Variants in P4HA2 observed in about 807,000 individuals in gnomAD.
P4HA2 encodes the protein prolyl 4-hydroxylase subunit alpha 2, also known as prolyl 4-hydroxylase subunit alpha-2.
P4HA2 carries 46 observed loss-of-function variants against 76.9 expected under a neutral mutation model. That is an observed-to-expected ratio of 0.60 (90% CI 0.47 to 0.76). The LOEUF is 0.76. Among genes scored for constraint, P4HA2 ranks in the 30% least tolerant of loss-of-function variants. The probability of loss-of-function intolerance (pLI) is 0.00; values close to 1 mark genes in which losing one functional copy is unlikely to be tolerated. For missense variants in P4HA2, 583 were observed against 669.4 expected, an observed-to-expected ratio of 0.87 and a Z score of 1.42; for synonymous variants, 243 against 254.0, an observed-to-expected ratio of 0.96 and a Z score of 0.41.
intron 8 of P4HA2, 26 bp downstream of exon 8, chr5:132,207,682 C>T (rs1179127357): frequency 1.2e-6 from 2 of 1,602,716 alleles, no homozygotes; most frequent in East Asian, 2.2e-5. Flanking sequence ...TTCAGTGACC[C>T]GAGAAGGACC....
At chr5:132,195,083 G>T in intron 13 of P4HA2, 61 bp from the exon 14 acceptor site, 1 of 1,125,982 alleles carries the variant, frequency 8.9e-7, no homozygotes, top group Non-Finnish European at 1.4e-6. Flanking sequence ...GGACCTGACT[G>T]CAAGCATCAC....
At chr5:132,217,465 G>A in intron 3 of P4HA2, 117 bp from the exon 4 acceptor site, 1 of 963,518 alleles carries the variant, frequency 1.0e-6, no homozygotes, top group Non-Finnish European at 1.6e-6. Context: ...TTCATCAAGA[G>A]GCAATGAAAA....
At chr5:132,215,407 T>C (rs945147700) in intron 4 of P4HA2, among the ~76,000 whole-genome samples, 1 of 152,224 alleles carries the variant, frequency 6.6e-6, no homozygotes, top group Non-Finnish European at 1.5e-5. Context: ...GGAGGTCATC[T>C]GGGTAGGCTT....
intron 8 of P4HA2, among the ~76,000 whole-genome samples, chr5:132,206,356 G>A (rs1366555898): frequency 3.3e-5 from 5 of 152,092 alleles, no homozygotes; most frequent in Non-Finnish European, 5.9e-5. Flanking sequence ...CAGCCACATC[G>A]ATGATGCCAA....
chr5:132,204,730 C>T (rs1751965478), intron 8 of P4HA2, among the ~76,000 whole-genome samples: 1 of 152,222 alleles, frequency 6.6e-6, no homozygotes, highest in South Asian at 2.1e-4. Context: ...GTTTTCGCTC[C>T]CTTGGGATCC....
intron 1 of P4HA2, chr5:132,227,265 G>T (rs1005143387): frequency 6.6e-6 from 1 of 152,334 alleles, no homozygotes; most frequent in Non-Finnish European, 1.5e-5. Context: ...ATGTCTGGGG[G>T]AGAAAAGACT....
At chr5:132,218,791 C>G (rs897956246) in intron 1 of P4HA2, 147 bp from the exon 2 acceptor site, 5 of 577,538 alleles carry the variant, frequency 8.7e-6, no homozygotes, top group Non-Finnish European at 1.6e-5. Context: ...AAAGGACAAA[C>G]AGCAGAAAGA....
intron 5 of P4HA2, among the ~76,000 whole-genome samples, chr5:132,210,727 C>A (rs1752961895): frequency 6.6e-6 from 1 of 152,106 alleles, no homozygotes. Context: ...CTGGGGTTCA[C>A]AGCCACCTCT....
intron 9 of P4HA2, 98 bp downstream of exon 9, chr5:132,203,984 A>G: frequency 2.5e-6 from 3 of 1,183,890 alleles, no homozygotes; most frequent in Non-Finnish European, 2.5e-6. Context: ...AGGAGGTGCC[A>G]GCAGGCAGGA....
Position 132,203,853 on chromosome 5 carries a change from C to A in P4HA2, c.1152-6G>T. On this transcript the variant is annotated splice_polypyrimidine_tract_variant and splice_region_variant and intron_variant, in intron 9 of 14. Transcript: ENST00000360568. ...CATCTTCCTCTAGCCAGGAGCTGGG[C>A]AAAAAGAAAAGGGCAGAGAAAAGAA... The A allele has an allele frequency of 6.2e-7, 1 of 1,608,666 alleles. No homozygotes were observed. The highest frequency in any genetic ancestry group is 8.5e-7 in the Non-Finnish European group (1 of 1,175,240).
At chr5:132,215,850 TAAAAAAAA>T (rs539378974) in intron 4 of P4HA2, among the ~76,000 whole-genome samples, 2 of 81,898 alleles carry the variant, frequency 2.4e-5, no homozygotes, top group African/African-American at 5.1e-5. Context: ...CCTGTCCCTT[TAAAAAAAA>T]AAAAAAAAAA....
intron 13 of P4HA2, 44 bp downstream of exon 13, chr5:132,195,368 C>A: frequency 7.1e-7 from 1 of 1,403,932 alleles, no homozygotes; most frequent in South Asian, 1.2e-5. Context: ...AAAGTAAAGT[C>A]TGAGCCTTGC....
chr5:132,225,463 G>A (rs1755247228), intron 1 of P4HA2, among the ~76,000 whole-genome samples: 1 of 152,258 alleles, frequency 6.6e-6, no homozygotes, highest in East Asian at 1.9e-4. Context: ...AGGAAATGAG[G>A]AGACCCTAGA....
intron 5 of P4HA2, 64 bp from the exon 6 acceptor site, chr5:132,210,587 A>C: frequency 6.3e-7 from 1 of 1,577,442 alleles, no homozygotes; most frequent in Non-Finnish European, 8.7e-7. Flanking sequence ...AGAGATTCCC[A>C]CTTCAAGGAA....
chr5:132,209,310 C>G lies in P4HA2; in HGVS notation c.731G>C (p.Gly244Ala), dbSNP rs138182231. Reference protein sequence around the residue: ...LSLDPSHERAGGNLRYFEQLL... With the variant: ...LSLDPSHERAAGNLRYFEQLL... ...CTGCTCAAAGTACCGCAGATTCCCT[C>G]CAGCTCGTTCGTGGCTTGGGTCTAG... Residue 244 changes from glycine (G) to alanine (A), a missense_variant, in exon 7 of 15, where the codon GGA becomes GCA. Transcript: ENST00000360568. 167 of 1,613,950 alleles carry G rather than the reference C, an allele frequency of 1.0e-4. 1 individual carries two copies. In the African/African-American group the frequency reaches 1.9e-3, roughly 19 times the overall value.
chr5:132,194,814 A>G (rs1750377296), intron 14 of P4HA2, 112 bp downstream of exon 14: 2 of 753,794 alleles, frequency 2.7e-6, no homozygotes, highest in South Asian at 1.5e-5. Flanking sequence ...CTAAGAAGGG[A>G]GACAGTCTCA....
chr5:132,217,206 A>G lies in P4HA2; in HGVS notation c.322T>C (p.Ser108Pro), dbSNP rs201716583. ...PALEDLVLQD[S>P]AAGFIANLSV... ...GCTCACCGTCCCTCACCTGCAGCTG[A>G]GTCCTGCAGGACAAGGTCCTCCAGC... The change falls in exon 4 of 15, where the codon TCA becomes CCA. Residue 108 changes from serine (S) to proline (P), a missense_variant. Physicochemically the swap from Ser to Pro is moderately conservative, Grantham distance 74. Coordinates refer to ENST00000360568, the MANE Select transcript of P4HA2 (RefSeq NM_001017974.2). 101 of 1,613,862 alleles carry G rather than the reference A, an allele frequency of 6.3e-5. No homozygotes were observed. The East Asian group carries it at 2.2e-3, about 36-fold the overall frequency.
intron 14 of P4HA2, among the ~76,000 whole-genome samples, chr5:132,193,897 G>GA (rs1217107764): frequency 6.6e-6 from 1 of 151,952 alleles, no homozygotes; most frequent in Non-Finnish European, 1.5e-5. Context: ...GTACTTCATT[G>GA]AAAAAAATAA....
intron 5 of P4HA2, among the ~76,000 whole-genome samples, chr5:132,213,496 G>T (rs1201041720): frequency 1.3e-5 from 2 of 152,204 alleles, no homozygotes; most frequent in Non-Finnish European, 2.9e-5. Flanking sequence ...AACCCAGAGA[G>T]GTGGAGACAG....
Sources: gnomAD v4.1 joint callset for allele counts (sites outside exome capture counted in the v4.1 genomes callset) on GRCh38, gnomAD v4.1.1 for gene constraint, MANE v1.5 for transcripts, NCBI Gene and HGNC (gene_info 2026-07-23, HGNC 2026-07-21) for gene names.